PLEKHG3: variants seen among roughly 807,000 people sequenced by gnomAD.
PLEKHG3 encodes the protein pleckstrin homology and RhoGEF domain containing G3.
A neutral mutation model predicts 94.9 loss-of-function variants in PLEKHG3; 62 were observed. That is an observed-to-expected ratio of 0.65 (90% CI 0.53 to 0.81). The LOEUF is 0.81. Ranked by LOEUF, PLEKHG3 falls within the 30% of genes least tolerant of loss-of-function variation. The pLI is 0.00. For missense variants in PLEKHG3, 1,461 were observed against 1,619.3 expected (o/e 0.90, Z 1.68); for synonymous variants, 614 against 654.0 (o/e 0.94, Z 0.93).
At position 64,730,387 on chromosome 14, in the gene PLEKHG3, G is replaced by A. The variant is rs1208753877; in HGVS notation, c.519+75G>A. 1.0e-6 allele frequency: 1 copy of A among 967,238 alleles called. No homozygotes were observed. Among genetic ancestry groups the A allele is most frequent in the Non-Finnish European group, 1.6e-6 (1 of 627,614 alleles). 59.9% of individuals were successfully genotyped at this position (967,238 alleles called of 1,614,324 possible). On this transcript the variant is annotated intron_variant, in intron 4 of 16. Transcript: ENST00000247226. This position sits in a 1 kb window ranked among gnomAD's most constrained non-coding sequence, Gnocchi z 5.4. The stretch of plus-strand genomic sequence containing the variant: ...AGAGACAAGAACTGCCAGCATAAGA[G>A]GACATCTGAGTCCTGGGGATTCCTT...
At position 64,731,164 on chromosome 14, in the gene PLEKHG3, C is replaced by A; in HGVS notation, c.844C>A (p.Leu282Ile). 6.2e-7 allele frequency: 1 copy of A among 1,609,738 alleles called. No homozygotes were observed. Among genetic ancestry groups the A allele is most frequent in the South Asian group, 1.1e-5 (1 of 90,890 alleles). Residue 282 changes from leucine (L) to isoleucine (I), a missense_variant, in exon 7 of 17, where the codon CTC becomes ATC. Leu to Ile is a conservative substitution (Grantham distance 5). Coordinates refer to ENST00000247226, the MANE Select transcript of PLEKHG3 (RefSeq NM_001308147.2). This position sits in a 1 kb window ranked among gnomAD's most constrained non-coding sequence, Gnocchi z 6.1. ...GAGGAGGCATGAGCACGCGGTCCGGCTCCAGGTGCTCTGGGGCTGGGACGC... is the reference window on the plus strand; with the variant it reads ...GAGGAGGCATGAGCACGCGGTCCGGATCCAGGTGCTCTGGGGCTGGGACGC... ...MKRRHEHAVR[L>I]QEIQSLLINW... is the part of the protein sequence containing the mutation.
intron 1 of PLEKHG3, among the ~76,000 whole-genome samples, chr14:64,708,307 C>T (rs2081006455): frequency 6.6e-6 from 1 of 152,160 alleles, no homozygotes; most frequent in Non-Finnish European, 1.5e-5. Context: ...CACACCTTCT[C>T]CCTGACCTCC....
chr14:64,711,187 A>G (rs1364806550), intron 1 of PLEKHG3, among the ~76,000 whole-genome samples: 2 of 152,118 alleles, frequency 1.3e-5, no homozygotes, highest in East Asian at 3.9e-4. Flanking sequence ...ATGGGGTTTG[A>G]ACTTTTGGAG....
Position 64,727,688 on chromosome 14 carries a change from G to C in PLEKHG3, c.57G>C (p.Leu19=). The change falls in exon 2 of 17, where the codon CTG becomes CTC. Residue 19 remains leucine (L), a synonymous_variant. Coordinates refer to ENST00000247226, the MANE Select transcript of PLEKHG3 (RefSeq NM_001308147.2). The surrounding 1 kb of genome is among the most constrained non-coding windows in gnomAD (Gnocchi z 6.0). The part of the protein sequence containing the change: ...QDGSQERPVS[L]TSTTSSSGSS... The stretch of plus-strand genomic sequence containing the variant: ...GCAGCCAGGAGCGGCCGGTGAGCCT[G>C]ACCTCTACCACCTCCTCGTCGGGCT... 6.2e-7 allele frequency: 1 copy of C among 1,612,584 alleles called. No individual in the cohort carries two copies.
intron 1 of PLEKHG3, among the ~76,000 whole-genome samples, chr14:64,708,895 G>C (rs1309627045): frequency 1.3e-5 from 2 of 148,904 alleles, no homozygotes; most frequent in African/African-American, 2.5e-5. Context: ...GGGACTGCCA[G>C]TTGGTGCCTG....
chr14:64,704,628 C>G lies in PLEKHG3; in HGVS notation c.-116C>G, dbSNP rs945647962. 1 of 152,754 alleles carries G rather than the reference C, an allele frequency of 6.5e-6. No individual in the cohort carries two copies. Among genetic ancestry groups the G allele is most frequent in the Non-Finnish European group, 1.5e-5 (1 of 68,348 alleles). 9.5% of individuals were successfully genotyped at this position (152,754 alleles called of 1,614,324 possible). On this transcript the variant is annotated 5_prime_UTR_variant, in exon 1 of 17. Coordinates refer to ENST00000247226, the MANE Select transcript of PLEKHG3 (RefSeq NM_001308147.2). The surrounding 1 kb of genome is among the most constrained non-coding windows in gnomAD (Gnocchi z 5.6). ...CCCTTCAGAGAGCGACTTTCAAACT[C>G]GCGCCCGCGTCGCGGCAGCACCTGG...
rs2081306043 is a variant in PLEKHG3, at chr14:64,723,821, A to G, written c.-39-3772A>G. On this transcript the variant is annotated intron_variant, in intron 1 of 16. Transcript: ENST00000247226. This position sits in a 1 kb window ranked among gnomAD's most constrained non-coding sequence, Gnocchi z 4.5. ...TGGCCGAGAAAGCGAGTTTTCTAGA[A>G]GACTGATTCACTGATTGATGACTGA... 1 of 152,272 alleles carries G rather than the reference A, an allele frequency of 6.6e-6. No homozygotes were observed. The highest frequency in any genetic ancestry group is 6.5e-5 in the Admixed American group (1 of 15,282). The allele number at this position is 152,272 out of a possible 1,614,324, so 9.4% of individuals were successfully genotyped here.
chr14:64,735,325 G>A (rs1194824948), intron 12 of PLEKHG3, among the ~76,000 whole-genome samples: 1 of 152,144 alleles, frequency 6.6e-6, no homozygotes, highest in Non-Finnish European at 1.5e-5. Context: ...GAAAGCGATC[G>A]TTCAGGCCAG....
chr14:64,731,520 T>A lies in PLEKHG3; in HGVS notation c.1009T>A (p.Phe337Ile). 1 of 1,614,030 alleles carries A rather than the reference T, an allele frequency of 6.2e-7. No homozygotes were observed. Residue 337 changes from phenylalanine (F) to isoleucine (I), a missense_variant, in exon 8 of 17, where the codon TTT (phenylalanine) becomes ATT (isoleucine). By Grantham distance (21) the Phe-to-Ile change is conservative. Transcript: ENST00000247226. This position sits in a 1 kb window ranked among gnomAD's most constrained non-coding sequence, Gnocchi z 6.1. ...TATCACCAAGAAGCGGGGCGATCAC[T>A]TTGTCTACAAGGGCAACATCCCGGT... Reference protein sequence around the residue: ...LLITKKRGDHFVYKGNIPCSS... With the variant: ...LLITKKRGDHIVYKGNIPCSS...
At position 64,727,728 on chromosome 14, in the gene PLEKHG3, C is replaced by T. The variant is rs779439966; in HGVS notation, c.97C>T (p.Arg33Cys). The change falls in exon 2 of 17, where the codon CGC becomes TGC. Residue 33 changes from arginine (R) to cysteine (C), a missense_variant. Physicochemically the swap from Arg to Cys is radical, Grantham distance 180 (BLOSUM62 -3). Transcript: ENST00000247226. The surrounding 1 kb of genome is among the most constrained non-coding windows in gnomAD (Gnocchi z 6.0). ...CTCGTCGGGCTCCTCCTGTGACAGT[C>T]GCAGTGCCATGGAGGAGCCCAGCAG... ...TSSSGSSCDS[R>C]SAMEEPSSSE... 12 of 1,611,926 alleles carry T rather than the reference C, an allele frequency of 7.4e-6. No individual in the cohort carries two copies. Among genetic ancestry groups the T allele is most frequent in the African/African-American group, 5.3e-5 (4 of 74,882 alleles).
At chr14:64,742,958 A>AG (rs1324922174) in intron 16 of PLEKHG3, 24 bp from the exon 17 acceptor site, 3 of 1,612,484 alleles carry the variant, frequency 1.9e-6, no homozygotes, top group Non-Finnish European at 1.7e-6. Flanking sequence ...CCCATGCTTC[A>AG]GGCAGCTTGC....
At position 64,732,955 on chromosome 14, in the gene PLEKHG3, C is replaced by A; in HGVS notation, c.1345+54C>A. 8.8e-7 allele frequency: 1 copy of A among 1,141,304 alleles called. No homozygotes were observed. Among genetic ancestry groups the A allele is most frequent in the Non-Finnish European group, 1.3e-6 (1 of 770,308 alleles). The allele number at this position is 1,141,304 out of a possible 1,614,324, so 70.7% of individuals were successfully genotyped here. On this transcript the variant is annotated intron_variant, in intron 12 of 16. Transcript: ENST00000247226. This position sits in a 1 kb window ranked among gnomAD's most constrained non-coding sequence, Gnocchi z 4.9. ...CCTCTCCCTCACACCCTTGCCCAGA[C>A]TGGGGACCGTCTGCGGCAGTGTCCA... is the stretch of plus-strand genomic sequence containing the variant.
Position 64,732,765 on chromosome 14 carries a change from G to A in PLEKHG3, c.1247-38G>A. ...GGTCTAGGGTAGGCCAAGGCCAATT[G>A]GGAATCAAAAGCTTGATCGTCTCTC... is the stretch of plus-strand genomic sequence containing the variant. On this transcript the variant is annotated intron_variant, in intron 11 of 16. Coordinates refer to ENST00000247226, the MANE Select transcript of PLEKHG3 (RefSeq NM_001308147.2). This position sits in a 1 kb window ranked among gnomAD's most constrained non-coding sequence, Gnocchi z 4.9. 6.6e-7 allele frequency: 1 copy of A among 1,509,336 alleles called. No homozygotes were observed. The highest frequency in any genetic ancestry group is 1.2e-5 in the South Asian group (1 of 84,420). 93.5% of individuals were successfully genotyped at this position (1,509,336 alleles called of 1,614,324 possible).
In PLEKHG3 at chr14:64,742,281, G is replaced by A. The variant is rs371587777; in HGVS notation, c.2764G>A (p.Val922Ile). ...AATGGACAGCCACGTGAGCGAGCGC[G>A]TCAAGAACAAGGTCTACCAGCTGGC... ...HVMDSHVSER[V>I]KNKVYQLARQ... The change falls in exon 16 of 17, where the codon GTC (valine) becomes ATC (isoleucine). Residue 922 changes from valine to isoleucine, a missense_variant. Val to Ile is a conservative substitution (Grantham distance 29). Around this residue, in one of 3 missense-constraint regions of PLEKHG3, gnomAD observed 1,201 missense variants for 1,295.5 expected, o/e 0.93. Coordinates refer to ENST00000247226, the MANE Select transcript of PLEKHG3 (RefSeq NM_001308147.2). 3.6e-5 allele frequency: 58 copies of A among 1,612,760 alleles called. No homozygotes were observed. The highest frequency in any genetic ancestry group is 1.6e-4 in the Middle Eastern group (1 of 6,084).
Position 64,742,967 on chromosome 14 carries a change from G to A in PLEKHG3, c.2939-15G>A. 2 of 1,613,040 alleles carry A rather than the reference G, an allele frequency of 1.2e-6. No individual in the cohort carries two copies. The highest frequency in any genetic ancestry group is 1.7e-6 in the Non-Finnish European group (2 of 1,179,780). ...TCCCGCCCCATGCTTCAGGCAGCTTGCTCTCTCCTCATAGGTAAGAGGAAG... is the reference window on the plus strand; with the variant it reads ...TCCCGCCCCATGCTTCAGGCAGCTTACTCTCTCCTCATAGGTAAGAGGAAG... On this transcript the variant is annotated splice_polypyrimidine_tract_variant and intron_variant, in intron 16 of 16. Transcript: ENST00000247226.
rs551030749 is a variant in PLEKHG3, at chr14:64,738,073, C to T, written c.1405-669C>T. ...GAAGGCAACGAGAAGGGGGCTGGGC[C>T]GGAGCCCCCAGGCTCAGAGGAGGAG... On this transcript the variant is annotated intron_variant, in intron 14 of 16. Transcript: ENST00000247226. The surrounding 1 kb of genome is among the most constrained non-coding windows in gnomAD (Gnocchi z 4.8). 7.3e-5 allele frequency: 95 copies of T among 1,299,476 alleles called. 1 individual carries two copies. The highest frequency in any genetic ancestry group is 6.5e-4 in the African/African-American group (43 of 66,362). 80.5% of individuals were successfully genotyped at this position (1,299,476 alleles called of 1,614,324 possible). A position where few individuals can be genotyped will look rare whatever the true frequency, so the allele number is the denominator to read the frequency against.
chr14:64,704,449 T>TGCCCTCCCGCCCTCCC lies in PLEKHG3; in HGVS notation c.-285_-284insCCTCCCGCCCTCCCGC, dbSNP rs1323181430. The TGCCCTCCCGCCCTCCC allele has an allele frequency of 8.0e-6, 1 of 125,458 alleles. No homozygotes were observed. The highest frequency in any genetic ancestry group is 3.1e-5 in the African/African-American group (1 of 32,144). 7.8% of individuals were successfully genotyped at this position (125,458 alleles called of 1,614,324 possible). ...GCTCCCTCGCTCCCTCGCTCCCTCC[T>TGCCCTCCCGCCCTCCC]GCCCTCCCGCTGCAGCTCCGGCTCC... On this transcript the variant is annotated 5_prime_UTR_variant, in exon 1 of 17. Coordinates refer to ENST00000247226, the MANE Select transcript of PLEKHG3 (RefSeq NM_001308147.2). This position sits in a 1 kb window ranked among gnomAD's most constrained non-coding sequence, Gnocchi z 5.6.
In PLEKHG3 at chr14:64,749,482, C is replaced by A. The variant is rs375141998; in HGVS notation, c.*5779C>A. On this transcript the variant is annotated 3_prime_UTR_variant, in exon 17 of 17. Coordinates refer to ENST00000247226, the MANE Select transcript of PLEKHG3 (RefSeq NM_001308147.2). This position sits in a 1 kb window ranked among gnomAD's most constrained non-coding sequence, Gnocchi z 4.7. Reference sequence around the variant, plus strand: ...CAGGACAGCATCTCCTCCTGCGGGGCGGAGGGTCACGGTGGAGTCTGGAGG... The same window carrying A: ...CAGGACAGCATCTCCTCCTGCGGGGAGGAGGGTCACGGTGGAGTCTGGAGG... 11 of 1,598,488 alleles carry A rather than the reference C, an allele frequency of 6.9e-6. No individual in the cohort carries two copies. Among genetic ancestry groups the A allele is most frequent in the Non-Finnish European group, 8.5e-6 (10 of 1,177,782 alleles).
Position 64,728,941 on chromosome 14 carries a change from G to A in PLEKHG3, c.352-55G>A. ...GCCGAAACGAGGTGTGGCTAGGGAA[G>A]GTAGTGGGCAGGGTTGTGCCGGGGG... On this transcript the variant is annotated intron_variant, in intron 2 of 16. Coordinates refer to ENST00000247226, the MANE Select transcript of PLEKHG3 (RefSeq NM_001308147.2). This position sits in a 1 kb window ranked among gnomAD's most constrained non-coding sequence, Gnocchi z 5.9. 1.5e-6 allele frequency: 1 copy of A among 682,442 alleles called. No individual in the cohort carries two copies. The highest frequency in any genetic ancestry group is 2.6e-6 in the Non-Finnish European group (1 of 385,126). The allele number at this position is 682,442 out of a possible 1,614,324, so 42.3% of individuals were successfully genotyped here. A position where few individuals can be genotyped will look rare whatever the true frequency, so the allele number is the denominator to read the frequency against.
Sources: gnomAD v4.1 joint callset for allele counts (sites outside exome capture counted in the v4.1 genomes callset) on GRCh38, gnomAD v4.1.1 for gene constraint, gnomAD v4.1.1 regional missense constraint, Gnocchi (gnomAD v3.1) non-coding constraint, MANE v1.5 for transcripts, NCBI Gene and HGNC (gene_info 2026-07-23, HGNC 2026-07-21) for gene names.